The following AGAP9 variants were observed in gnomAD, a reference collection of about 807,000 sequenced individuals.
AGAP9 encodes the protein ArfGAP with GTPase domain, ankyrin repeat and PH domain 9.
AGAP9 carries 23 observed loss-of-function variants against 55.6 expected under a neutral mutation model. The ratio of observed to expected loss-of-function variants is 0.41; its 90% confidence interval spans 0.30 to 0.59. AGAP9 has a LOEUF of 0.59. Ranked by LOEUF, AGAP9 falls within the 20% of genes least tolerant of loss-of-function variation. AGAP9 has a pLI of 0.25. For missense variants in AGAP9, 309 were observed against 808.1 expected (o/e 0.38, Z 7.49); for synonymous variants, 120 against 305.0 (o/e 0.39, Z 6.32).
At chr10:47,508,191 A>G (rs1840523364) in intron 5 of AGAP9, among the ~76,000 whole-genome samples, 2 of 71,118 alleles carry the variant, frequency 2.8e-5, no homozygotes, top group South Asian at 5.9e-4. Flanking sequence ...CAGCCTCCCA[A>G]GTGGCTGGGA....
intron 2 of AGAP9, among the ~76,000 whole-genome samples, chr10:47,521,797 G>GC (rs1840846834): frequency 8.7e-5 from 13 of 149,450 alleles, no homozygotes; most frequent in African/African-American, 3.2e-4. Flanking sequence ...TTTTTTTTTT[G>GC]TGAGACGGAG....
chr10:47,519,508 C>T (rs1312283744), intron 3 of AGAP9, among the ~76,000 whole-genome samples: 1 of 116,480 alleles, frequency 8.6e-6, no homozygotes, highest in Non-Finnish European at 1.8e-5. Flanking sequence ...TTCCCCCTTC[C>T]CCTCTCTCTT....
chr10:47,522,025 G>A (rs75253100), intron 2 of AGAP9, among the ~76,000 whole-genome samples: 1 of 150,592 alleles, frequency 6.6e-6, no homozygotes, highest in African/African-American at 2.5e-5. Context: ...GACCTCAGGT[G>A]ATCCGCCTGC....
chr10:47,513,079 C>T (rs1840659236), intron 4 of AGAP9, among the ~76,000 whole-genome samples: 1 of 142,300 alleles, frequency 7.0e-6, no homozygotes, highest in Non-Finnish European at 1.5e-5. Context: ...GTTGCCCAGG[C>T]TGGAGTATGC....
In AGAP9 at chr10:47,516,801, A is replaced by C. The variant is rs1840725316; in HGVS notation, c.396+1022T>G. Among the ~76,000 whole-genome samples, 4 of 130,866 alleles carry C rather than the reference A, an allele frequency of 3.1e-5. 1 individual carries two copies. The allele number at this position is 130,866 out of a possible 152,430, so 85.9% of individuals were successfully genotyped here. A position where few individuals can be genotyped will look rare whatever the true frequency, so the allele number is the denominator to read the frequency against. On this transcript the variant is annotated intron_variant, in intron 4 of 7. Transcript: ENST00000452145. ...ATGCTACAATACTTGGGGGAAAAAC[A>C]GCTATTAGAAAATAGGCAAATGAAT...
intron 6 of AGAP9, among the ~76,000 whole-genome samples, chr10:47,506,672 C>T (rs1315796910): frequency 7.0e-6 from 1 of 143,124 alleles, no homozygotes; most frequent in Non-Finnish European, 1.5e-5. Context: ...CAGAGTCTTG[C>T]TCTGTCACCC....
chr10:47,508,044 G>A (rs1275685539), intron 5 of AGAP9, among the ~76,000 whole-genome samples: 3 of 132,046 alleles, frequency 2.3e-5, no homozygotes, highest in Non-Finnish European at 3.2e-5. Flanking sequence ...ACAAGTTTGC[G>A]CCACTATGCC....
chr10:47,514,659 T>TAA (rs1840695445), intron 4 of AGAP9, among the ~76,000 whole-genome samples: 6 of 31,354 alleles, frequency 1.9e-4, no homozygotes, highest in Admixed American at 3.8e-4. Context: ...TCAGCAAACA[T>TAA]AAAATAAAAC....
chr10:47,513,353 C>T lies in AGAP9; in HGVS notation c.397-3082G>A, dbSNP rs1254241472. On this transcript the variant is annotated intron_variant, in intron 4 of 7. Transcript: ENST00000452145. Reference sequence around the variant, plus strand: ...TGGCCCGATTATCTTTTTGATATGCCGTTGGGAACTACAAAACATTGCTGA... The same window carrying T: ...TGGCCCGATTATCTTTTTGATATGCTGTTGGGAACTACAAAACATTGCTGA... 2.0e-4 allele frequency among the ~76,000 whole-genome samples: 28 copies of T among 141,972 alleles called. 3 individuals carry two copies. The highest frequency in any genetic ancestry group is 1.9e-3 in the Admixed American group (26 of 13,908). The allele number at this position is 141,972 out of a possible 152,430, so 93.1% of individuals were successfully genotyped here. A position where few individuals can be genotyped will look rare whatever the true frequency, so the allele number is the denominator to read the frequency against.
Position 47,503,432 on chromosome 10 carries a change from C to T in AGAP9, c.697G>A (p.Val233Ile), listed in dbSNP as rs1840400404. The T allele has an allele frequency of 6.2e-7, 1 of 1,609,574 alleles. No homozygotes were observed. Among genetic ancestry groups the T allele is most frequent in the Non-Finnish European group, 8.5e-7 (1 of 1,179,598 alleles). ...STSQEDPQFS[V>I]PPTANTPTPV... ...GTGGGTGTGTTGGCAGTGGGAGGAA[C>T]ACTGAACTGAGGGTCCTCCTGGCTG... Residue 233 changes from valine to isoleucine, a missense_variant, in exon 8 of 8, where the codon GTT becomes ATT. Val to Ile is a conservative substitution (Grantham distance 29). Transcript: ENST00000452145.
rs1292746144 is a variant in AGAP9, at chr10:47,509,167, G to C, written c.497+1004C>G. 3.8e-5 allele frequency among the ~76,000 whole-genome samples: 5 copies of C among 132,832 alleles called. 2 individuals carry two copies. Among genetic ancestry groups the C allele is most frequent in the African/African-American group, 6.3e-5 (2 of 31,952 alleles). The allele number at this position is 132,832 out of a possible 152,430, so 87.1% of individuals were successfully genotyped here. On this transcript the variant is annotated intron_variant, in intron 5 of 7. Transcript: ENST00000452145. ...TTCAGCAAAATTAATCTTCAAAGCT[G>C]CTTTTGAATTATATGCTAACTTATC... is the stretch of plus-strand genomic sequence containing the variant.
intron 4 of AGAP9, among the ~76,000 whole-genome samples, chr10:47,514,163 TCAAA>T (rs1427342466): frequency 2.3e-4 from 33 of 143,196 alleles, no homozygotes; most frequent in Non-Finnish European, 4.0e-4. Flanking sequence ...TATGAGGAAC[TCAAA>T]CAAATTACAA....
At position 47,503,254 on chromosome 10, in the gene AGAP9, C is replaced by T. The variant is rs1179585558; in HGVS notation, c.875G>A (p.Arg292Gln). 3.0e-5 allele frequency: 46 copies of T among 1,544,814 alleles called. 10 individuals are homozygous for T. The African/African-American group carries it at 3.3e-4, about 11-fold the overall frequency. The change falls in exon 8 of 8, where the codon CGA becomes CAA. Residue 292 changes from arginine (R) to glutamine (Q), a missense_variant. By Grantham distance (43) the Arg-to-Gln change is conservative (BLOSUM62 1). Transcript: ENST00000452145. The part of the protein sequence containing the change: ...IPIKQGMLLK[R>Q]SGKWLKTWKK... ...CCATGTCTTCAGCCATTTTCCACTTCGCTTTAAGAGCATGCCCTGTTTAAT... is the reference window on the plus strand; with the variant it reads ...CCATGTCTTCAGCCATTTTCCACTTTGCTTTAAGAGCATGCCCTGTTTAAT...
chr10:47,502,259 C>G lies in AGAP9; in HGVS notation c.1870G>C (p.Gly624Arg). Reference sequence around the variant, plus strand: ...CAGGCCAGATGGAGTGCCGTGCAGCCGTCTCCCTCCCCACAGGTCTCGTTC... The same window carrying G: ...CAGGCCAGATGGAGTGCCGTGCAGCGGTCTCCCTCCCCACAGGTCTCGTTC... Reference protein sequence around the residue: ...EVNETCGEGDGCTALHLACRK... With the variant: ...EVNETCGEGDRCTALHLACRK... Residue 624 changes from glycine (G) to arginine (R), a missense_variant, in exon 8 of 8, where the codon GGC becomes CGC. Physicochemically the swap from Gly to Arg is moderately radical, Grantham distance 125. Transcript: ENST00000452145. 6.3e-7 allele frequency: 1 copy of G among 1,596,138 alleles called. No individual in the cohort carries two copies. The highest frequency in any genetic ancestry group is 8.5e-7 in the Non-Finnish European group (1 of 1,175,222).
intron 2 of AGAP9, among the ~76,000 whole-genome samples, chr10:47,522,437 GC>G (rs1840867925): frequency 6.7e-6 from 1 of 150,352 alleles, no homozygotes; most frequent in East Asian, 1.9e-4. Flanking sequence ...TTTTTCTGCA[GC>G]CCCGGCTGTG....
At position 47,522,241 on chromosome 10, in the gene AGAP9, T is replaced by A. The variant is rs1840863013; in HGVS notation, c.292+625A>T. ...ATTAAAAGTCTACGTTGACGTTTCATGTCTTTTGAAAGTTTTGACCGTGAA... is the reference window on the plus strand; with the variant it reads ...ATTAAAAGTCTACGTTGACGTTTCAAGTCTTTTGAAAGTTTTGACCGTGAA... On this transcript the variant is annotated intron_variant, in intron 2 of 7. Transcript: ENST00000452145. Among the ~76,000 whole-genome samples, 2 of 142,902 alleles carry A rather than the reference T, an allele frequency of 1.4e-5. 1 individual carries two copies. The allele number at this position is 142,902 out of a possible 152,430, so 93.7% of individuals were successfully genotyped here. A position where few individuals can be genotyped will look rare whatever the true frequency, so the allele number is the denominator to read the frequency against.
At chr10:47,507,624 T>G (rs1840511289) in intron 5 of AGAP9, 41 bp from the exon 6 acceptor site, 3 of 1,529,040 alleles carry the variant, frequency 2.0e-6, no homozygotes, top group Non-Finnish European at 2.6e-6. Context: ...GATGTTATCA[T>G]TTGTTAGGCC....
At chr10:47,519,422 T>G (rs1320613003) in intron 3 of AGAP9, among the ~76,000 whole-genome samples, 1 of 119,432 alleles carries the variant, frequency 8.4e-6, no homozygotes, top group South Asian at 2.8e-4. Context: ...GAGCCAAGAT[T>G]GTGCCATTGC....
chr10:47,516,662 C>T (rs1305542983), intron 4 of AGAP9, among the ~76,000 whole-genome samples: 2 of 136,294 alleles, frequency 1.5e-5, no homozygotes, highest in African/African-American at 2.9e-5. Flanking sequence ...GGGAAACCCA[C>T]GCTATATTGA....
Sources: allele counts gnomAD v4.1 joint callset (sites outside exome capture counted in the v4.1 genomes callset), GRCh38; gene constraint gnomAD v4.1.1; transcripts MANE v1.5; gene names NCBI Gene and HGNC (gene_info 2026-07-23, HGNC 2026-07-21).